The following TSHZ2 variants were observed in gnomAD, a reference collection of about 807,000 sequenced individuals.
TSHZ2 encodes teashirt homolog 2.
In TSHZ2, 21 loss-of-function variants were observed where a neutral mutation model predicts 74.4. The ratio of observed to expected loss-of-function variants is 0.28; its 90% CI spans 0.20 to 0.41. The LOEUF is 0.41. Ranked by LOEUF, TSHZ2 falls within the 10% of genes least tolerant of loss-of-function variation. The probability of loss-of-function intolerance (pLI) is 1.00; values close to 1 mark genes in which losing one functional copy is unlikely to be tolerated. For synonymous variants in TSHZ2, 540 were observed against 515.3 expected, an observed-to-expected ratio of 1.05 and a Z score of -0.65; for missense variants, 1,244 against 1,293.5, an observed-to-expected ratio of 0.96 and a Z score of 0.59.
intron 2 of TSHZ2, among the ~76,000 whole-genome samples, chr20:53,423,034 C>CA (rs201491549): frequency 0.015 from 2,259 of 152,076 alleles, 63 homozygotes; most frequent in African/African-American, 0.051. Context: ...GTAATTTGCC[C>CA]AAAAAATCAC....
chr20:53,051,451 GCGCACGCACA>G (rs1403901148), intron 1 of TSHZ2, among the ~76,000 whole-genome samples: 1 of 87,494 alleles, frequency 1.1e-5, no homozygotes, highest in African/African-American at 4.0e-5. Context: ...TTACTCTGTG[GCGCACGCACA>G]CACACACACA....
At chr20:53,049,976 G>A (rs1429156029) in intron 1 of TSHZ2, among the ~76,000 whole-genome samples, 2 of 151,244 alleles carry the variant, frequency 1.3e-5, no homozygotes, top group East Asian at 1.9e-4. Flanking sequence ...CAGCTACTCC[G>A]GAGGCTGAGG....
intron 2 of TSHZ2, among the ~76,000 whole-genome samples, chr20:53,482,703 A>T (rs928983785): frequency 4.0e-5 from 6 of 151,782 alleles, no homozygotes; most frequent in Admixed American, 1.3e-4. Flanking sequence ...CAGGAGTTCA[A>T]GACCAGCCTG....
In TSHZ2 at chr20:53,025,021, G is replaced by A. The variant is rs151197937; in HGVS notation, c.40+51688G>A. ...CATGCAACCCTAAAATATGTATATC[G>A]TGTGTAAATTATATGCATATGCTAC... On this transcript the variant is annotated intron_variant, in intron 1 of 2. Coordinates refer to ENST00000371497, the MANE Select transcript of TSHZ2 (RefSeq NM_173485.6). Among the ~76,000 whole-genome samples the A allele has an allele frequency of 4.1e-4, 63 of 152,086 alleles. 1 individual carries two copies. The South Asian group carries it at 5.2e-3, about 13-fold the overall frequency.
chr20:53,089,360 A>G (rs1985805613), intron 1 of TSHZ2, among the ~76,000 whole-genome samples: 1 of 132,806 alleles, frequency 7.5e-6, no homozygotes, highest in Non-Finnish European at 1.6e-5. Context: ...GAGTTTTTCC[A>G]ACTTCCAGGC....
chr20:53,474,306 C>A (rs896771629), intron 2 of TSHZ2, among the ~76,000 whole-genome samples: 54 of 132,276 alleles, frequency 4.1e-4, no homozygotes, highest in African/African-American at 1.6e-3. Context: ...AACAGCGGAT[C>A]TCTCAGCAGA....
chr20:53,185,779 G>A, intron 1 of TSHZ2: 2 of 1,376,936 alleles, frequency 1.5e-6, no homozygotes, highest in Non-Finnish European at 2.0e-6. Flanking sequence ...TTAATGGTTT[G>A]AACACTAATT....
intron 1 of TSHZ2, among the ~76,000 whole-genome samples, chr20:53,036,758 T>C (rs1983836504): frequency 6.8e-6 from 1 of 147,996 alleles, no homozygotes; most frequent in African/African-American, 2.4e-5. Flanking sequence ...TTATATATAT[T>C]ACATAAAGTA....
intron 1 of TSHZ2, chr20:53,178,976 C>G (rs541660815): frequency 1.3e-5 from 2 of 152,280 alleles, no homozygotes; most frequent in East Asian, 1.9e-4. Flanking sequence ...TCCACTCATG[C>G]GAAACATAAG....
chr20:53,295,015 T>C (rs532435515), intron 2 of TSHZ2, among the ~76,000 whole-genome samples: 27 of 152,354 alleles, frequency 1.8e-4, no homozygotes, highest in African/African-American at 6.5e-4. Flanking sequence ...TCTTAGAGGA[T>C]TGCAGTATTT....
At chr20:53,328,732 C>A (rs1376596130) in intron 2 of TSHZ2, among the ~76,000 whole-genome samples, 2 of 152,218 alleles carry the variant, frequency 1.3e-5, no homozygotes. Flanking sequence ...ATCACAGTAG[C>A]CATTCTAATT....
chr20:53,114,609 G>T (rs1424170137), intron 1 of TSHZ2, among the ~76,000 whole-genome samples: 2 of 152,176 alleles, frequency 1.3e-5, no homozygotes, highest in African/African-American at 4.8e-5. Flanking sequence ...GGGCTTCTCA[G>T]TGCAAACTTG....
intron 2 of TSHZ2, among the ~76,000 whole-genome samples, chr20:53,393,091 A>G (rs906392690): frequency 5.3e-5 from 8 of 152,138 alleles, no homozygotes; most frequent in African/African-American, 1.9e-4. Context: ...CTGCCTCCCC[A>G]GGTGCTGGGA....
intron 1 of TSHZ2, among the ~76,000 whole-genome samples, chr20:53,192,213 T>C (rs1988751850): frequency 6.6e-6 from 1 of 150,962 alleles, no homozygotes; most frequent in African/African-American, 2.4e-5. Context: ...ACCTGTTAAA[T>C]AGACATCAGC....
chr20:53,383,425 AG>A, intron 2 of TSHZ2, among the ~76,000 whole-genome samples: 1 of 152,266 alleles, frequency 6.6e-6, no homozygotes, highest in South Asian at 2.1e-4. Flanking sequence ...GAAGTTCCAT[AG>A]GGGTGGATAA....
rs933895059 is a variant in TSHZ2 at position 53,460,029 on chromosome 20, T to A, written c.*9-27115T>A. 9.2e-5 allele frequency among the ~76,000 whole-genome samples: 14 copies of A among 152,208 alleles called. 1 individual carries two copies. The highest frequency in any genetic ancestry group is 7.9e-4 in the Admixed American group (12 of 15,286). The stretch of plus-strand genomic sequence containing the variant: ...TCAACTCTGGTGAATCTGACAATTA[T>A]GTGTCTTGGAGTTGCTCTTCTCAAG... On this transcript the variant is annotated intron_variant, in intron 2 of 2. Transcript: ENST00000371497.
chr20:53,479,049 C>G (rs946499604), intron 2 of TSHZ2, among the ~76,000 whole-genome samples: 1 of 151,944 alleles, frequency 6.6e-6, no homozygotes. Context: ...CCTGTAATCC[C>G]AGCTACTCAG....
At chr20:53,073,117 C>T (rs1490849783) in intron 1 of TSHZ2, among the ~76,000 whole-genome samples, 2 of 150,880 alleles carry the variant, frequency 1.3e-5, no homozygotes, top group Non-Finnish European at 3.0e-5. Flanking sequence ...TCCCTCCATT[C>T]ATCCATTCCT....
At chr20:53,333,259 G>A (rs977418133) in intron 2 of TSHZ2, among the ~76,000 whole-genome samples, 2 of 152,162 alleles carry the variant, frequency 1.3e-5, no homozygotes, top group African/African-American at 2.4e-5. Context: ...TAAACTTGGA[G>A]GTAAAGAAGT....
Sources: gnomAD v4.1 joint callset for allele counts (sites outside exome capture counted in the v4.1 genomes callset) on GRCh38, gnomAD v4.1.1 for gene constraint, MANE v1.5 for transcripts, NCBI Gene and HGNC (gene_info 2026-07-23, HGNC 2026-07-21) for gene names.